Variants in KLF12 observed in about 807,000 individuals in gnomAD.
KLF12 encodes the protein KLF transcription factor 12, also known as Krueppel-like factor 12.
Under a neutral mutation model 37.8 loss-of-function variants are expected in KLF12, and 9 were observed. The ratio of observed to expected loss-of-function variants is 0.24; its 90% CI spans 0.14 to 0.42. KLF12 has a LOEUF of 0.42. Among genes scored for constraint, KLF12 ranks in the 10% least tolerant of loss-of-function variants. The pLI, the probability that KLF12 is intolerant of heterozygous loss-of-function variation, is 1.00. For missense variants in KLF12, 411 were observed against 516.0 expected (o/e 0.80, Z 1.97); for synonymous variants, 208 against 202.1 (o/e 1.03, Z -0.25).
chr13:73,923,726 G>C (rs556758785), intron 3 of KLF12, among the ~76,000 whole-genome samples: 1 of 152,320 alleles, frequency 6.6e-6, no homozygotes, highest in African/African-American at 2.4e-5. Flanking sequence ...ACCACCTGGG[G>C]AATCTGGTGA....
At chr13:73,932,703 A>C (rs1889743530) in intron 3 of KLF12, among the ~76,000 whole-genome samples, 1 of 152,218 alleles carries the variant, frequency 6.6e-6, no homozygotes, top group Non-Finnish European at 1.5e-5. Context: ...TATATAAAAC[A>C]AACATATCTT....
intron 5 of KLF12, among the ~76,000 whole-genome samples, chr13:73,797,769 CAAAAAAAA>C (rs34644776): frequency 1.4e-5 from 1 of 71,686 alleles, no homozygotes; most frequent in East Asian, 3.8e-4. Context: ...GATCCTGTCT[CAAAAAAAA>C]AAAAAAAAAA....
intron 3 of KLF12, among the ~76,000 whole-genome samples, chr13:73,862,046 T>C (rs114265925): frequency 0.011 from 1,482 of 135,176 alleles, 30 homozygotes; most frequent in African/African-American, 0.038. Context: ...AGAGTGCAGA[T>C]ATAGTTGGGT....
intron 3 of KLF12, among the ~76,000 whole-genome samples, chr13:73,867,927 A>T (rs1270179580): frequency 6.6e-6 from 1 of 151,534 alleles, no homozygotes; most frequent in East Asian, 1.9e-4. Flanking sequence ...AGGTTGAGGC[A>T]GGAGAATCGC....
chr13:74,228,523 A>G, the KLF12 span, among the ~76,000 whole-genome samples: 179 of 152,266 alleles, frequency 1.2e-3, 1 homozygote, highest in African/African-American at 4.2e-3. Context: ...GGAAATATTA[A>G]GCTTAGAAAT....
chr13:74,029,724 G>A (rs17291778), intron 1 of KLF12, among the ~76,000 whole-genome samples: 10,790 of 152,024 alleles, frequency 0.071, 509 homozygotes, highest in Non-Finnish European at 0.1. Flanking sequence ...TTGCTTTCTA[G>A]CATAAATAAC....
chr13:74,066,377 G>T (rs1244442374), intron 1 of KLF12, among the ~76,000 whole-genome samples: 1 of 152,146 alleles, frequency 6.6e-6, no homozygotes, highest in Non-Finnish European at 1.5e-5. Context: ...AAGAGCCTCT[G>T]TAGGCTGGGC....
At chr13:73,754,245 C>T (rs1191972512) in intron 6 of KLF12, among the ~76,000 whole-genome samples, 1 of 152,126 alleles carries the variant, frequency 6.6e-6, no homozygotes, top group Non-Finnish European at 1.5e-5. Flanking sequence ...AATGCTCTGA[C>T]AATTTTTTAA....
In KLF12 at chr13:73,994,151, T is replaced by G. The variant is rs542353186; in HGVS notation, c.33+839A>C. 1.4e-3 allele frequency among the ~76,000 whole-genome samples: 217 copies of G among 152,278 alleles called. 2 individuals carry two copies. Among genetic ancestry groups the G allele is most frequent in the African/African-American group, 5.0e-3 (209 of 41,554 alleles). On this transcript the variant is annotated intron_variant, in intron 2 of 7. Coordinates refer to ENST00000377669, the MANE Select transcript of KLF12 (RefSeq NM_007249.5). ...TACAACCTTGAAAATCACTTGTAAG[T>G]AGCTGTGAAGGTAGGCTGGCAGAAA...
At chr13:74,087,909 AG>A (rs1875407368) in intron 1 of KLF12, among the ~76,000 whole-genome samples, 1 of 152,190 alleles carries the variant, frequency 6.6e-6, no homozygotes, top group African/African-American at 2.4e-5. Context: ...GCAGAAAAGA[AG>A]GAACTGCCCA....
At chr13:74,205,795 C>G in the KLF12 span, among the ~76,000 whole-genome samples, 1 of 152,066 alleles carries the variant, frequency 6.6e-6, no homozygotes, top group African/African-American at 2.4e-5. Flanking sequence ...TTGAAATCTA[C>G]AACAAAGTTG....
chr13:73,818,584 A>G (rs1883359583), intron 4 of KLF12, among the ~76,000 whole-genome samples: 1 of 152,242 alleles, frequency 6.6e-6, no homozygotes, highest in Non-Finnish European at 1.5e-5. Flanking sequence ...AAACTTGCCT[A>G]TGCACCCACT....
intron 6 of KLF12, among the ~76,000 whole-genome samples, chr13:73,734,957 G>C (rs1002319916): frequency 1.3e-5 from 2 of 151,830 alleles, no homozygotes; most frequent in African/African-American, 4.8e-5. Flanking sequence ...CAACAGTTTG[G>C]AGGCCACAGA....
chr13:73,851,433 T>C (rs1056078236), intron 3 of KLF12, among the ~76,000 whole-genome samples: 1 of 152,212 alleles, frequency 6.6e-6, no homozygotes, highest in Non-Finnish European at 1.5e-5. Flanking sequence ...TTTGATACTT[T>C]TTTTTCCTCT....
intron 5 of KLF12, among the ~76,000 whole-genome samples, chr13:73,785,617 T>C (rs548164822): frequency 7.6e-4 from 116 of 152,286 alleles, no homozygotes; most frequent in African/African-American, 2.7e-3. Context: ...CCATTTTTTT[T>C]TTTTTAGTAA....
intron 2 of KLF12, 85 bp downstream of exon 2, chr13:73,994,905 G>T (rs1892066386): frequency 2.3e-6 from 2 of 853,812 alleles, no homozygotes; most frequent in Non-Finnish European, 2.0e-6. Flanking sequence ...CACACAAGAA[G>T]GTACTCTAAT....
intron 4 of KLF12, among the ~76,000 whole-genome samples, chr13:73,818,302 C>A (rs921728075): frequency 6.6e-6 from 1 of 152,242 alleles, no homozygotes; most frequent in Non-Finnish European, 1.5e-5. Context: ...ACAGCCACTG[C>A]GCCGGCCGAA....
At chr13:73,756,809 G>A (rs779567425) in intron 6 of KLF12, among the ~76,000 whole-genome samples, 6 of 152,026 alleles carry the variant, frequency 3.9e-5, no homozygotes, top group Non-Finnish European at 7.4e-5. Flanking sequence ...GATTATTGAG[G>A]AGGTGACACA....
intron 2 of KLF12, among the ~76,000 whole-genome samples, chr13:73,975,856 G>C (rs540496252): frequency 1.3e-5 from 2 of 152,074 alleles, no homozygotes; most frequent in East Asian, 3.9e-4. Flanking sequence ...AGTTTCCTTT[G>C]CACTGAAAAA....
Sources: allele counts gnomAD v4.1 joint callset (sites outside exome capture counted in the v4.1 genomes callset), GRCh38; gene constraint gnomAD v4.1.1; transcripts MANE v1.5; gene names NCBI Gene and HGNC (gene_info 2026-07-23, HGNC 2026-07-21).